PDGFRB: variants seen among roughly 807,000 people sequenced by gnomAD.
PDGFRB encodes platelet-derived growth factor receptor beta.
Under a neutral mutation model 120.2 loss-of-function variants are expected in PDGFRB, and 42 were observed. The observed-to-expected ratio is 0.35, with a 90% CI of 0.27 to 0.45. PDGFRB has a LOEUF of 0.45. Among genes scored for constraint, PDGFRB ranks in the 20% least tolerant of loss-of-function variants. PDGFRB has a pLI of 1.00. For synonymous variants in PDGFRB, 586 were observed against 606.8 expected, an observed-to-expected ratio of 0.97 and a Z score of 0.50; for missense variants, 1,149 against 1,476.3, an observed-to-expected ratio of 0.78 and a Z score of 3.63.
chr5:150,142,052 T>C (rs1760798948), intron 1 of PDGFRB, among the ~76,000 whole-genome samples: 1 of 151,998 alleles, frequency 6.6e-6, no homozygotes, highest in Non-Finnish European at 1.5e-5. Context: ...GGAGGAGGCC[T>C]GGCCATGGGG....
Position 150,155,297 on chromosome 5 carries a change from C to CTTTT in PDGFRB, c.-7+96_-7+99dup, listed in dbSNP as rs35505256. The CTTTT allele has an allele frequency of 4.0e-3, 474 of 119,932 alleles. 11 individuals are homozygous for CTTTT. The highest frequency in any genetic ancestry group is 0.015 in the Admixed American group (140 of 9,462). The allele number at this position is 119,932 out of a possible 1,614,324, so 7.4% of individuals were successfully genotyped here. A position where few individuals can be genotyped will look rare whatever the true frequency, so the allele number is the denominator to read the frequency against. ...TCTTGTTTTGTTAAAAATATCTTCC[C>CTTTT]TTTTTTTTTTTTTTTTTTTTTTTAC... On this transcript the variant is annotated intron_variant, in intron 1 of 22. Coordinates refer to ENST00000261799, the MANE Select transcript of PDGFRB (RefSeq NM_002609.4).
At chr5:150,126,903 G>A (rs555968490) in intron 10 of PDGFRB, among the ~76,000 whole-genome samples, 17 of 152,318 alleles carry the variant, frequency 1.1e-4, no homozygotes, top group African/African-American at 1.9e-4. Context: ...AGCTCTGGAC[G>A]GGGTGCAAAT....
intron 1 of PDGFRB, among the ~76,000 whole-genome samples, chr5:150,152,159 G>A (rs1225545114): frequency 1.3e-5 from 2 of 151,862 alleles, no homozygotes; most frequent in East Asian, 2.0e-4. Flanking sequence ...CACCCGCCTC[G>A]GCCTCCCAAA....
rs1176831307 is a variant in PDGFRB, at chr5:150,121,231, A to G, written c.2436T>C (p.Asn812=). The G allele has an allele frequency of 1.9e-6, 3 of 1,589,304 alleles. No homozygotes were observed. The highest frequency in any genetic ancestry group is 1.7e-6 in the Non-Finnish European group (2 of 1,158,664). The change falls in exon 17 of 23, where the codon AAT becomes AAC. Residue 812 remains asparagine (N), a synonymous_variant. Transcript: ENST00000261799. The surrounding 1 kb of genome is among the most constrained non-coding windows in gnomAD (Gnocchi z 4.1). The part of the protein sequence containing the change: ...DLVGFSYQVA[N]GMEFLASKNC... ...TCTTGGAGGCCAGAAACTCCATGCC[A>G]TTGGCCACCTGGTAGCTGAAGCCCA...
intron 1 of PDGFRB, among the ~76,000 whole-genome samples, chr5:150,148,810 G>A (rs1760995594): frequency 6.6e-6 from 1 of 152,240 alleles, no homozygotes; most frequent in Non-Finnish European, 1.5e-5. Flanking sequence ...GGCTTCCTGA[G>A]GGAGGTGGCC....
Position 150,120,494 on chromosome 5 carries a change from A to G in PDGFRB, c.2587-371T>C, listed in dbSNP as rs1404968749. Among the ~76,000 whole-genome samples the G allele has an allele frequency of 2.6e-5, 4 of 152,064 alleles. No homozygotes were observed. The highest frequency in any genetic ancestry group is 9.7e-5 in the African/African-American group (4 of 41,382). Reference sequence around the variant, plus strand: ...ATCTGGGGTTTGCGGAAAAGTGGGGAGATGAGAGACAGGCAGGATGATCAC... The same window carrying G: ...ATCTGGGGTTTGCGGAAAAGTGGGGGGATGAGAGACAGGCAGGATGATCAC... On this transcript the variant is annotated intron_variant, in intron 18 of 22. Coordinates refer to ENST00000261799, the MANE Select transcript of PDGFRB (RefSeq NM_002609.4). The surrounding 1 kb of genome is among the most constrained non-coding windows in gnomAD (Gnocchi z 4.3).
rs1760515266 is a variant in PDGFRB at position 150,132,991 on chromosome 5, C to G, written c.935-49G>C. Reference sequence around the variant, plus strand: ...CGGGGCCCTGGGGGCAGGGCACCAACTGAATCCCAAAGGAGGCCAGCCTGT... The same window carrying G: ...CGGGGCCCTGGGGGCAGGGCACCAAGTGAATCCCAAAGGAGGCCAGCCTGT... On this transcript the variant is annotated intron_variant, in intron 6 of 22. Coordinates refer to ENST00000261799, the MANE Select transcript of PDGFRB (RefSeq NM_002609.4). This position sits in a 1 kb window ranked among gnomAD's most constrained non-coding sequence, Gnocchi z 5.0. 7.3e-7 allele frequency: 1 copy of G among 1,374,216 alleles called. No individual in the cohort carries two copies. Among genetic ancestry groups the G allele is most frequent in the Non-Finnish European group, 1.0e-6 (1 of 999,584 alleles). 85.1% of individuals were successfully genotyped at this position (1,374,216 alleles called of 1,614,324 possible).
At chr5:150,148,743 C>T (rs1760993069) in intron 1 of PDGFRB, among the ~76,000 whole-genome samples, 1 of 152,220 alleles carries the variant, frequency 6.6e-6, no homozygotes, top group South Asian at 2.1e-4. Flanking sequence ...ATCATAGGTG[C>T]CCAGTAAATG....
At chr5:150,131,440 T>C (rs541740483) in intron 8 of PDGFRB, among the ~76,000 whole-genome samples, 64 of 152,274 alleles carry the variant, frequency 4.2e-4, no homozygotes, top group African/African-American at 1.5e-3. Context: ...CTGATCACTG[T>C]ATCAAAAATG....
At chr5:150,123,665 G>A (rs370870208) in intron 14 of PDGFRB, among the ~76,000 whole-genome samples, 3 of 152,194 alleles carry the variant, frequency 2.0e-5, no homozygotes, top group South Asian at 2.1e-4. Flanking sequence ...CTACACAAAC[G>A]AAAATGTTGA....
At chr5:150,144,972 C>T (rs989281432) in intron 1 of PDGFRB, among the ~76,000 whole-genome samples, 2 of 152,196 alleles carry the variant, frequency 1.3e-5, no homozygotes, top group East Asian at 1.9e-4. Context: ...TACAGTTGAC[C>T]CTTGAACTAC....
intron 11 of PDGFRB, 124 bp from the exon 12 acceptor site, chr5:150,125,701 T>C: frequency 1.2e-6 from 1 of 847,770 alleles, no homozygotes; most frequent in Non-Finnish European, 1.8e-6. Flanking sequence ...CAGGGGCATA[T>C]TTGAAGTCAC....
intron 8 of PDGFRB, among the ~76,000 whole-genome samples, 164 bp from the exon 9 acceptor site, chr5:150,130,826 C>A (rs1248026889): frequency 6.6e-6 from 1 of 152,098 alleles, no homozygotes; most frequent in Non-Finnish European, 1.5e-5. Context: ...GATGGGTTCC[C>A]TTCTGGGTAC....
intron 15 of PDGFRB, among the ~76,000 whole-genome samples, chr5:150,122,541 T>C (rs924384393): frequency 6.6e-6 from 1 of 152,122 alleles, no homozygotes; most frequent in Non-Finnish European, 1.5e-5. Flanking sequence ...AGGACATGAG[T>C]GGGTTTTAAG....
chr5:150,136,466 C>T (rs1196661442), intron 2 of PDGFRB, among the ~76,000 whole-genome samples: 3 of 152,306 alleles, frequency 2.0e-5, no homozygotes, highest in Admixed American at 6.5e-5. Flanking sequence ...CCACGCCCTC[C>T]ATGCCCCCTG....
Position 150,123,128 on chromosome 5 carries a change from G to T in PDGFRB, c.2097C>A (p.Thr699=). The part of the protein sequence containing the change: ...LVDYLHRNKH[T]FLQHHSDKRR... ...GCTTGTCGGAGTGGTGCTGCAGGAA[G>T]GTGTGTTTGTTGCGGTGCAGGTAGT... The change falls in exon 15 of 23, where the codon ACC becomes ACA. Residue 699 remains threonine, a synonymous_variant. Transcript: ENST00000261799. 6.2e-7 allele frequency: 1 copy of T among 1,613,974 alleles called. No individual in the cohort carries two copies. The highest frequency in any genetic ancestry group is 8.5e-7 in the Non-Finnish European group (1 of 1,179,896).
intron 1 of PDGFRB, among the ~76,000 whole-genome samples, chr5:150,144,904 T>A (rs1760879343): frequency 6.6e-6 from 1 of 151,234 alleles, no homozygotes; most frequent in African/African-American, 2.4e-5. Flanking sequence ...CCCGGCCCCA[T>A]CTGGGCCTCC....
intron 1 of PDGFRB, among the ~76,000 whole-genome samples, chr5:150,153,036 A>C (rs1426102915): frequency 2.0e-5 from 3 of 152,232 alleles, no homozygotes; most frequent in Non-Finnish European, 4.4e-5. Context: ...CTGGTTACCC[A>C]CAGCGCTCAC....
At chr5:150,122,860 C>A (rs1481676481) in intron 15 of PDGFRB, among the ~76,000 whole-genome samples, 182 bp downstream of exon 15, 2 of 152,220 alleles carry the variant, frequency 1.3e-5, no homozygotes, top group Non-Finnish European at 2.9e-5. Flanking sequence ...CAGCACAGGG[C>A]CTGGCATTAG....
Sources: gnomAD v4.1 joint callset for allele counts (sites outside exome capture counted in the v4.1 genomes callset) on GRCh38, gnomAD v4.1.1 for gene constraint, Gnocchi (gnomAD v3.1) non-coding constraint, MANE v1.5 for transcripts, NCBI Gene and HGNC (gene_info 2026-07-23, HGNC 2026-07-21) for gene names.